Variants in NKD2 observed in about 807,000 individuals in gnomAD.
NKD2 encodes the protein protein naked cuticle homolog 2.
In NKD2, 43 loss-of-function variants were observed where a neutral mutation model predicts 34.8. That is an observed-to-expected ratio of 1.24 (90% CI 0.97 to 1.60). The LOEUF (loss-of-function observed/expected upper bound fraction) is 1.60, where lower values mean the gene tolerates loss of function less well. NKD2 is among the 40% of genes most tolerant of loss of function. The probability of loss-of-function intolerance (pLI) is 0.00; values close to 1 mark genes in which losing one functional copy is unlikely to be tolerated. For missense variants in NKD2, 675 were observed against 627.1 expected (o/e 1.08, Z -0.82); for synonymous variants, 278 against 265.1 (o/e 1.05, Z -0.47).
chr5:1,026,735 C>T (rs1425568273), intron 3 of NKD2, among the ~76,000 whole-genome samples: 1 of 152,264 alleles, frequency 6.6e-6, no homozygotes, highest in Non-Finnish European at 1.5e-5. Flanking sequence ...GCCAGGCACT[C>T]ACTTCATTCT....
intron 3 of NKD2, among the ~76,000 whole-genome samples, chr5:1,021,375 C>A (rs1268110639): frequency 7.1e-5 from 9 of 126,440 alleles, no homozygotes; most frequent in Admixed American, 2.4e-4. Flanking sequence ...CCTCCACCCA[C>A]CCACCCACCC....
intron 3 of NKD2, among the ~76,000 whole-genome samples, chr5:1,026,957 C>G (rs1401311277): frequency 2.0e-5 from 3 of 152,230 alleles, no homozygotes; most frequent in Non-Finnish European, 4.4e-5. Context: ...ACGACAGCCC[C>G]GTAATTCTGG....
Position 1,038,252 on chromosome 5 carries a change from G to A in NKD2, c.1235G>A (p.Arg412Gln), listed in dbSNP as rs532972203. 5.2e-5 allele frequency: 83 copies of A among 1,583,866 alleles called. 1 individual carries two copies. The highest frequency in any genetic ancestry group is 4.6e-4 in the South Asian group (40 of 87,646). Reference protein sequence around the residue: ...QPATVEHEVVRDLPPTPAGEG... With the variant: ...QPATVEHEVVQDLPPTPAGEG... The stretch of plus-strand genomic sequence containing the variant: ...GCCACAGTGGAGCACGAGGTGGTGC[G>A]GGACCTGCCGCCCACGCCAGCAGGA... The change falls in exon 10 of 10, where the codon CGG becomes CAG. Residue 412 changes from arginine (R) to glutamine (Q), a missense_variant. By Grantham distance (43) the Arg-to-Gln change is conservative. Transcript: ENST00000296849. The surrounding 1 kb of genome is among the most constrained non-coding windows in gnomAD (Gnocchi z 4.5).
At chr5:1,026,958 G>A (rs374107216) in intron 3 of NKD2, among the ~76,000 whole-genome samples, 5 of 152,358 alleles carry the variant, frequency 3.3e-5, no homozygotes, top group Middle Eastern at 3.4e-3. Context: ...CGACAGCCCC[G>A]TAATTCTGGC....
At chr5:1,030,027 T>G (rs72643717) in intron 3 of NKD2, among the ~76,000 whole-genome samples, 65,956 of 128,326 alleles carry the variant, frequency 0.51, 16,858 homozygotes, top group East Asian at 0.58. Flanking sequence ...GGGGGGGGGG[T>G]ACTGAGAACC....
rs1756716079 is a variant in NKD2 at position 1,033,289 on chromosome 5, G to A, written c.203-83G>A. On this transcript the variant is annotated intron_variant, in intron 4 of 9. Coordinates refer to ENST00000296849, the MANE Select transcript of NKD2 (RefSeq NM_033120.4). Reference sequence around the variant, plus strand: ...TGGACAGGATCATGGTGTGGTGAGGGGAGAGCAGCGAGGGTCCCCAATGGC... The same window carrying A: ...TGGACAGGATCATGGTGTGGTGAGGAGAGAGCAGCGAGGGTCCCCAATGGC... 3.1e-6 allele frequency: 4 copies of A among 1,296,404 alleles called. No homozygotes were observed. In the Admixed American group the frequency reaches 6.2e-5, roughly 20 times the overall value. 80.3% of individuals were successfully genotyped at this position (1,296,404 alleles called of 1,614,324 possible).
chr5:1,012,817 GCTCACCTGTCCT>G lies in NKD2; in HGVS notation c.141+3260_141+3271del, dbSNP rs1486499313. On this transcript the variant is annotated intron_variant, in intron 3 of 9. Coordinates refer to ENST00000296849, the MANE Select transcript of NKD2 (RefSeq NM_033120.4). ...CCCTCCTGGCCACCCAGGAGCCAGC[GCTCACCTGTCCT>G]CTGTGGGTCCAGAGAGCTGGATGTG... 2.0e-5 allele frequency among the ~76,000 whole-genome samples: 3 copies of G among 152,304 alleles called. No individual in the cohort carries two copies. The East Asian group carries it at 5.8e-4, about 29-fold the overall frequency.
Position 1,038,309 on chromosome 5 carries a change from A to G in NKD2, c.1292A>G (p.His431Arg), listed in dbSNP as rs1419742405. ...TACGCGGTGCCAGTGATCCAGCGGC[A>G]CGAGCACCACCACCACCACGAGCAC... The part of the protein sequence containing the change: ...EGYAVPVIQR[H>R]EHHHHHEHHH... The change falls in exon 10 of 10, where the codon CAC becomes CGC. Residue 431 changes from histidine to arginine, a missense_variant. By Grantham distance (29) the His-to-Arg change is conservative. Coordinates refer to ENST00000296849, the MANE Select transcript of NKD2 (RefSeq NM_033120.4). This position sits in a 1 kb window ranked among gnomAD's most constrained non-coding sequence, Gnocchi z 4.5. 18 of 1,538,858 alleles carry G rather than the reference A, an allele frequency of 1.2e-5. No homozygotes were observed. The highest frequency in any genetic ancestry group is 1.6e-5 in the Non-Finnish European group (18 of 1,147,912).
chr5:1,036,502 A>ACCCCCCC, intron 9 of NKD2, 118 bp downstream of exon 9: 15 of 57,046 alleles, frequency 2.6e-4, no homozygotes, highest in Non-Finnish European at 3.5e-4. Context: ...GCCCCCCCCC[A>ACCCCCCC]ACCCCCCCCA....
Position 1,038,259 on chromosome 5 carries a change from G to A in NKD2, c.1242G>A (p.Leu414=). The change falls in exon 10 of 10, where the codon CTG becomes CTA. Residue 414 remains leucine (L), a synonymous_variant. Coordinates refer to ENST00000296849, the MANE Select transcript of NKD2 (RefSeq NM_033120.4). This position sits in a 1 kb window ranked among gnomAD's most constrained non-coding sequence, Gnocchi z 4.5. ...ATVEHEVVRD[L]PPTPAGEGYA... ...TGGAGCACGAGGTGGTGCGGGACCT[G>A]CCGCCCACGCCAGCAGGAGAGGGCT... is the stretch of plus-strand genomic sequence containing the variant. 6 of 1,580,178 alleles carry A rather than the reference G, an allele frequency of 3.8e-6. No individual in the cohort carries two copies. The highest frequency in any genetic ancestry group is 5.1e-6 in the Non-Finnish European group (6 of 1,167,102).
intron 3 of NKD2, among the ~76,000 whole-genome samples, chr5:1,023,445 T>G (rs373398690): frequency 5.6e-4 from 4 of 7,098 alleles, no homozygotes; most frequent in African/African-American, 5.2e-4. Context: ...CTTCCCACCC[T>G]CTGTGGGCGT....
At chr5:1,027,607 T>G (rs1342060564) in intron 3 of NKD2, among the ~76,000 whole-genome samples, 3 of 152,194 alleles carry the variant, frequency 2.0e-5, no homozygotes, top group Non-Finnish European at 4.4e-5. Context: ...CGCTGTGGCC[T>G]TTGCCTGTTG....
At chr5:1,017,320 C>G (rs1313828962) in intron 3 of NKD2, among the ~76,000 whole-genome samples, 2 of 152,242 alleles carry the variant, frequency 1.3e-5, no homozygotes, top group Non-Finnish European at 2.9e-5. Context: ...TCAACTGTCC[C>G]GAGGGCGTGC....
chr5:1,022,349 G>A (rs1579257031), intron 3 of NKD2, among the ~76,000 whole-genome samples: 1 of 84,918 alleles, frequency 1.2e-5, no homozygotes, highest in African/African-American at 4.0e-5. Context: ...GGGTGTCTCA[G>A]CCCATTGTCC....
At chr5:1,034,204 G>A in intron 5 of NKD2, 31 bp from the exon 6 acceptor site, 1 of 1,549,118 alleles carries the variant, frequency 6.5e-7, no homozygotes, top group Non-Finnish European at 8.9e-7. Context: ...TGGGTAGGAG[G>A]CGAGGTCCCG....
Position 1,038,574 on chromosome 5 carries a change from T to G in NKD2, c.*201T>G. ...ACGTGGACAAGGCCCAGGCGCCCTC[T>G]GCTCTTCTGCCCTCGATGCCACATG... is the stretch of plus-strand genomic sequence containing the variant. On this transcript the variant is annotated 3_prime_UTR_variant, in exon 10 of 10. Transcript: ENST00000296849. The surrounding 1 kb of genome is among the most constrained non-coding windows in gnomAD (Gnocchi z 4.5). The G allele has an allele frequency of 9.6e-7, 1 of 1,039,486 alleles. No individual in the cohort carries two copies. Among genetic ancestry groups the G allele is most frequent in the Non-Finnish European group, 1.4e-6 (1 of 696,832 alleles). 64.4% of individuals were successfully genotyped at this position (1,039,486 alleles called of 1,614,324 possible).
At chr5:1,026,622 C>T (rs1201206976) in intron 3 of NKD2, among the ~76,000 whole-genome samples, 1 of 152,172 alleles carries the variant, frequency 6.6e-6, no homozygotes, top group Non-Finnish European at 1.5e-5. Flanking sequence ...GTGTCCCAGC[C>T]CTTTGGGTTC....
chr5:1,016,741 G>A (rs1677391083), intron 3 of NKD2, among the ~76,000 whole-genome samples: 1 of 152,192 alleles, frequency 6.6e-6, no homozygotes, highest in Non-Finnish European at 1.5e-5. Context: ...GTACTTCCAG[G>A]ACGAGGCCTC....
chr5:1,015,075 C>T (rs936379535), intron 3 of NKD2, among the ~76,000 whole-genome samples: 2 of 152,340 alleles, frequency 1.3e-5, no homozygotes, highest in South Asian at 4.1e-4. Flanking sequence ...GGCCAGGCAG[C>T]GAGGGCCACC....
Sources: gnomAD v4.1 joint callset for allele counts (sites outside exome capture counted in the v4.1 genomes callset) on GRCh38, gnomAD v4.1.1 for gene constraint, Gnocchi (gnomAD v3.1) non-coding constraint, MANE v1.5 for transcripts, NCBI Gene and HGNC (gene_info 2026-07-23, HGNC 2026-07-21) for gene names.